Variants in SCAPER observed in about 807,000 individuals in gnomAD.
The protein encoded by SCAPER is S phase cyclin A-associated protein in the endoplasmic reticulum.
Under a neutral mutation model 182.2 loss-of-function variants are expected in SCAPER, and 98 were observed. The ratio of observed to expected loss-of-function variants is 0.54; its 90% CI spans 0.46 to 0.64. The LOEUF is 0.64. SCAPER is among the 30% of genes least tolerant of loss of function. The pLI is 0.00. For missense variants in SCAPER, 1,432 were observed against 1,690.0 expected (o/e 0.85, Z 2.68); for synonymous variants, 605 against 564.6 (o/e 1.07, Z -1.01).
At chr15:76,510,273 AG>A (rs1210235545) in intron 23 of SCAPER, among the ~76,000 whole-genome samples, 1 of 152,230 alleles carries the variant, frequency 6.6e-6, no homozygotes, top group Non-Finnish European at 1.5e-5. Context: ...AGGAACAGTC[AG>A]CAGAATAAAC....
intron 27 of SCAPER, among the ~76,000 whole-genome samples, chr15:76,397,415 A>G (rs953159159): frequency 3.3e-5 from 5 of 149,932 alleles, no homozygotes; most frequent in South Asian, 2.1e-4. Flanking sequence ...TGTTCTTTAA[A>G]TGTTTGGTAG....
At chr15:76,757,011 G>A (rs1026341869) in intron 14 of SCAPER, among the ~76,000 whole-genome samples, 10 of 6,188 alleles carry the variant, frequency 1.6e-3, no homozygotes, top group African/African-American at 1.8e-3. Flanking sequence ...AATATAATTA[G>A]TGCCCCACCC....
intron 17 of SCAPER, among the ~76,000 whole-genome samples, chr15:76,710,733 C>CAG (rs1055507175): frequency 2.6e-5 from 4 of 152,232 alleles, no homozygotes; most frequent in Admixed American, 2.6e-4. Context: ...CACTTCCTAT[C>CAG]AGAATCCTGC....
chr15:76,735,721 A>G (rs76194050), intron 15 of SCAPER, among the ~76,000 whole-genome samples: 2,362 of 152,010 alleles, frequency 0.016, 50 homozygotes, highest in African/African-American at 0.047. Context: ...AAAGAAAGAA[A>G]AAAAGATAAG....
At chr15:76,437,654 A>G (rs780070953) in intron 25 of SCAPER, among the ~76,000 whole-genome samples, 2 of 152,216 alleles carry the variant, frequency 1.3e-5, no homozygotes, top group South Asian at 2.1e-4. Context: ...ACTGTTTTTC[A>G]TCATGAAGTA....
At chr15:76,444,615 C>T (rs1049121358) in intron 25 of SCAPER, among the ~76,000 whole-genome samples, 1 of 152,214 alleles carries the variant, frequency 6.6e-6, no homozygotes, top group African/African-American at 2.4e-5. Flanking sequence ...TGAACCCACA[C>T]ATTTACATCT....
intron 23 of SCAPER, among the ~76,000 whole-genome samples, chr15:76,527,795 T>C (rs1179069097): frequency 1.3e-5 from 2 of 152,232 alleles, no homozygotes; most frequent in African/African-American, 4.8e-5. Flanking sequence ...CCCAGTTTTG[T>C]TTTTGACAGC....
intron 15 of SCAPER, among the ~76,000 whole-genome samples, chr15:76,751,263 T>C (rs1445661379): frequency 1.3e-5 from 2 of 151,764 alleles, no homozygotes; most frequent in Non-Finnish European, 3.0e-5. Context: ...CCCATGATCA[T>C]AAACCAGAAC....
At chr15:76,848,398 G>A (rs761848681) in intron 4 of SCAPER, among the ~76,000 whole-genome samples, 44 of 145,998 alleles carry the variant, frequency 3.0e-4, no homozygotes, top group Admixed American at 2.5e-3. Context: ...GTGCAATCTC[G>A]GTTCGGTTCA....
chr15:76,733,821 G>A (rs2061072734), intron 15 of SCAPER, among the ~76,000 whole-genome samples: 1 of 151,788 alleles, frequency 6.6e-6, no homozygotes, highest in African/African-American at 2.4e-5. Context: ...CCAGTGGTAA[G>A]GCATGGAACA....
intron 17 of SCAPER, among the ~76,000 whole-genome samples, chr15:76,722,280 C>A (rs2060293156): frequency 6.6e-6 from 1 of 152,150 alleles, no homozygotes; most frequent in Non-Finnish European, 1.5e-5. Flanking sequence ...ATGAAGCCCA[C>A]TTGATCATGG....
intron 4 of SCAPER, among the ~76,000 whole-genome samples, chr15:76,852,264 G>A (rs2151836019): frequency 6.6e-6 from 1 of 152,246 alleles, no homozygotes; most frequent in Non-Finnish European, 1.5e-5. Context: ...GTACTCCACT[G>A]GCAGTGTTAG....
intron 8 of SCAPER, among the ~76,000 whole-genome samples, chr15:76,784,491 C>T (rs562875228): frequency 6.6e-6 from 1 of 152,324 alleles, no homozygotes; most frequent in East Asian, 1.9e-4. Context: ...ATGCCATCCC[C>T]ATCAAGCTAC....
chr15:76,711,989 GT>G (rs1319128237), intron 17 of SCAPER, among the ~76,000 whole-genome samples: 2 of 152,102 alleles, frequency 1.3e-5, no homozygotes, highest in Non-Finnish European at 2.9e-5. Context: ...TGCTTTTGGT[GT>G]TTTAGACATG....
At chr15:76,640,971 T>C (rs778163666) in intron 21 of SCAPER, among the ~76,000 whole-genome samples, 4 of 152,130 alleles carry the variant, frequency 2.6e-5, no homozygotes, top group Admixed American at 6.5e-5. Context: ...AATGTGACCC[T>C]TGTGGAGAGC....
At chr15:76,504,761 T>A (rs1201389338) in intron 24 of SCAPER, 98 bp downstream of exon 24, 1 of 960,190 alleles carries the variant, frequency 1.0e-6, no homozygotes, top group Non-Finnish European at 1.5e-6. Context: ...CAACCCTGAA[T>A]ACACATACAA....
chr15:76,800,483 A>G (rs1377912528), intron 6 of SCAPER, 119 bp from the exon 7 acceptor site: 1 of 693,432 alleles, frequency 1.4e-6, no homozygotes, highest in African/African-American at 1.8e-5. Context: ...ACAACAACAA[A>G]AAGTCACAAC....
intron 23 of SCAPER, 135 bp from the exon 24 acceptor site, chr15:76,505,109 T>A: frequency 2.9e-6 from 2 of 678,302 alleles, no homozygotes; most frequent in Non-Finnish European, 5.0e-6. Flanking sequence ...TGCTGAATGC[T>A]ACTCACTGCT....
chr15:76,726,124 A>AATATATATATATATATATATATATATAT (rs765875424), intron 17 of SCAPER, among the ~76,000 whole-genome samples: 2 of 15,348 alleles, frequency 1.3e-4, no homozygotes, highest in African/African-American at 2.9e-4. Context: ...TAATGTCTAG[A>AATATATATATATATATATATATATATAT]ATATATATAT....
Sources: allele counts gnomAD v4.1 joint callset (sites outside exome capture counted in the v4.1 genomes callset), GRCh38; gene constraint gnomAD v4.1.1; transcripts MANE v1.5; gene names NCBI Gene and HGNC (gene_info 2026-07-23, HGNC 2026-07-21).